Variants in MYO6 observed in about 807,000 individuals in gnomAD.
The protein encoded by MYO6 is unconventional myosin-VI.
In MYO6, 74 loss-of-function variants were observed where a neutral mutation model predicts 178.7. That is an observed-to-expected ratio of 0.41 (90% CI 0.34 to 0.50). MYO6 has a LOEUF of 0.50. MYO6 is among the 20% of genes least tolerant of loss of function. The pLI, the probability that MYO6 is intolerant of heterozygous loss-of-function variation, is 0.09. For missense variants in MYO6, 1,330 were observed against 1,547.4 expected (o/e 0.86, Z 2.36); for synonymous variants, 477 against 504.6 (o/e 0.95, Z 0.73).
chr6:75,814,366 A>G (rs955339672), intron 1 of MYO6, among the ~76,000 whole-genome samples: 1 of 152,036 alleles, frequency 6.6e-6, no homozygotes, highest in African/African-American at 2.4e-5. Flanking sequence ...AAAACCAGGG[A>G]CTGGTTTTAA....
In MYO6 at chr6:75,828,574, C is replaced by T. The variant is rs1395892527; in HGVS notation, c.222C>T (p.Leu74=). The change falls in exon 4 of 35, where the codon CTC becomes CTT. Residue 74 remains leucine, a synonymous_variant. Coordinates refer to ENST00000369977, the MANE Select transcript of MYO6 (RefSeq NM_004999.4). ...TGTATTTAAATGAAGCCACACTGCT[C>T]CATAATATCAAAGTTCGATATAGTA... ...SLMYLNEATL[L]HNIKVRYSKD... 7.6e-6 allele frequency: 12 copies of T among 1,585,244 alleles called. No homozygotes were observed. Among genetic ancestry groups the T allele is most frequent in the Non-Finnish European group, 9.5e-6 (11 of 1,154,382 alleles).
intron 1 of MYO6, among the ~76,000 whole-genome samples, chr6:75,816,412 G>A (rs1445304673): frequency 6.6e-6 from 1 of 152,230 alleles, no homozygotes; most frequent in Non-Finnish European, 1.5e-5. Context: ...ATGGATTGCA[G>A]TGATACAGTC....
At chr6:75,777,169 A>G (rs1766474412) in intron 1 of MYO6, among the ~76,000 whole-genome samples, 1 of 152,196 alleles carries the variant, frequency 6.6e-6, no homozygotes, top group East Asian at 1.9e-4. Flanking sequence ...ACTGTGATGG[A>G]TGAGAAAAGT....
At chr6:75,854,915 TA>T (rs762588331) in intron 11 of MYO6, among the ~76,000 whole-genome samples, 18 of 152,160 alleles carry the variant, frequency 1.2e-4, no homozygotes, top group Non-Finnish European at 2.5e-4. Context: ...TTGATGTGCT[TA>T]AAGGATTATA....
At chr6:75,752,366 G>C (rs1776973792) in intron 1 of MYO6, among the ~76,000 whole-genome samples, 1 of 152,112 alleles carries the variant, frequency 6.6e-6, no homozygotes, top group African/African-American at 2.4e-5. Flanking sequence ...CATTTATTAG[G>C]CATCTTCCAT....
chr6:75,831,787 G>A (rs184862627), intron 5 of MYO6, among the ~76,000 whole-genome samples: 21 of 152,070 alleles, frequency 1.4e-4, no homozygotes, highest in African/African-American at 4.6e-4. Context: ...CTACTCTGGA[G>A]GCAGTGGTGG....
intron 7 of MYO6, among the ~76,000 whole-genome samples, chr6:75,840,343 A>G (rs1774092470): frequency 1.3e-5 from 2 of 151,882 alleles, no homozygotes; most frequent in African/African-American, 2.4e-5. Flanking sequence ...TGTATTTTTT[A>G]GTAGAGACGG....
intron 1 of MYO6, among the ~76,000 whole-genome samples, chr6:75,813,426 C>T (rs72654776): frequency 0.02 from 3,083 of 152,260 alleles, 88 homozygotes; most frequent in East Asian, 0.15. Context: ...TGCTTTAGAA[C>T]AGTGGGCTCC....
chr6:75,822,932 C>G (rs1473565987), intron 3 of MYO6, 81 bp downstream of exon 3: 11 of 1,079,402 alleles, frequency 1.0e-5, no homozygotes, highest in Admixed American at 6.9e-5. Context: ...GGTTATATAA[C>G]TGATACACTG....
intron 19 of MYO6, among the ~76,000 whole-genome samples, chr6:75,871,540 G>A (rs1777150753): frequency 6.6e-6 from 1 of 152,174 alleles, no homozygotes; most frequent in South Asian, 2.1e-4. Context: ...GTGAGCCACG[G>A]CACCTAGTTA....
chr6:75,803,690 C>T (rs1270687528), intron 1 of MYO6, among the ~76,000 whole-genome samples: 4 of 151,960 alleles, frequency 2.6e-5, no homozygotes, highest in African/African-American at 9.7e-5. Flanking sequence ...ATATTTTCTT[C>T]TTTGTCCCGA....
intron 30 of MYO6, among the ~76,000 whole-genome samples, chr6:75,904,134 G>A (rs1278885670): frequency 1.3e-5 from 2 of 151,848 alleles, no homozygotes; most frequent in Admixed American, 6.6e-5. Flanking sequence ...AGGGTAACCC[G>A]ACCTTTCTCT....
At chr6:75,770,722 CAGCCA>C (rs1765799594) in intron 1 of MYO6, among the ~76,000 whole-genome samples, 1 of 152,184 alleles carries the variant, frequency 6.6e-6, no homozygotes, top group Non-Finnish European at 1.5e-5. Flanking sequence ...GGTGATCCAC[CAGCCA>C]TGGCCTCCCA....
At chr6:75,754,206 A>C (rs1777141107) in intron 1 of MYO6, among the ~76,000 whole-genome samples, 1 of 152,186 alleles carries the variant, frequency 6.6e-6, no homozygotes. Flanking sequence ...TGAGTATGTT[A>C]GGTCATTTGT....
At chr6:75,904,239 G>T (rs1048374839) in intron 30 of MYO6, among the ~76,000 whole-genome samples, 6 of 149,656 alleles carry the variant, frequency 4.0e-5, no homozygotes, top group African/African-American at 1.5e-4. Context: ...TATCTTTGTG[G>T]CGTTCTCTGT....
At chr6:75,806,984 C>T (rs1250832867) in intron 1 of MYO6, among the ~76,000 whole-genome samples, 1 of 152,108 alleles carries the variant, frequency 6.6e-6, no homozygotes, top group East Asian at 1.9e-4. Flanking sequence ...CTGGTCTCAG[C>T]ACAGATAAAA....
At position 75,916,903 on chromosome 6, in the gene MYO6, T is replaced by C. The variant is rs760133918; in HGVS notation, c.*1891T>C. On this transcript the variant is annotated 3_prime_UTR_variant, in exon 35 of 35. Transcript: ENST00000369977. ...ATAAGTCCTTAGTTTTTGACTCTAA[T>C]AGTTAATACAATTATAGTTAATCTT... The C allele has an allele frequency of 2.6e-5, 4 of 152,356 alleles. No homozygotes were observed. Among genetic ancestry groups the C allele is most frequent in the Middle Eastern group, 3.4e-3 (1 of 294 alleles). 9.4% of individuals were successfully genotyped at this position (152,356 alleles called of 1,614,324 possible). A position where few individuals can be genotyped will look rare whatever the true frequency, so the allele number is the denominator to read the frequency against.
chr6:75,903,712 A>G (rs1320453199), intron 30 of MYO6, among the ~76,000 whole-genome samples: 2 of 151,890 alleles, frequency 1.3e-5, no homozygotes, highest in African/African-American at 4.8e-5. Context: ...TAATTGGAGC[A>G]TTTATTCCAT....
At chr6:75,835,429 A>AAT (rs890767366) in intron 6 of MYO6, among the ~76,000 whole-genome samples, 33 of 151,612 alleles carry the variant, frequency 2.2e-4, no homozygotes, top group African/African-American at 8.0e-4. Context: ...AGTACCACCA[A>AAT]ATATATATAT....
Sources: gnomAD v4.1 joint callset for allele counts (sites outside exome capture counted in the v4.1 genomes callset) on GRCh38, gnomAD v4.1.1 for gene constraint, MANE v1.5 for transcripts, NCBI Gene and HGNC (gene_info 2026-07-23, HGNC 2026-07-21) for gene names.